The following ANO3 variants were observed in gnomAD, a reference collection of about 807,000 sequenced individuals.
ANO3 encodes anoctamin 3.
ANO3 carries 99 observed loss-of-function variants against 144.8 expected under a neutral mutation model. The ratio of observed to expected loss-of-function variants is 0.68; its 90% CI spans 0.58 to 0.81. The LOEUF (loss-of-function observed/expected upper bound fraction) is 0.81, where lower values mean the gene tolerates loss of function less well. Among genes scored for constraint, ANO3 ranks in the 30% least tolerant of loss-of-function variants. The pLI is 0.00. For missense variants in ANO3, 905 were observed against 1,202.2 expected (o/e 0.75, Z 3.66); for synonymous variants, 414 against 392.6 (o/e 1.05, Z -0.64).
intron 4 of ANO3, among the ~76,000 whole-genome samples, chr11:26,467,172 C>T (rs1859629098): frequency 6.6e-6 from 1 of 151,758 alleles, no homozygotes; most frequent in African/African-American, 2.4e-5. Flanking sequence ...TTTCTGGGTA[C>T]AGAGTAAATG....
intron 1 of ANO3, among the ~76,000 whole-genome samples, chr11:26,421,682 T>G (rs1357829879): frequency 6.6e-6 from 1 of 152,052 alleles, no homozygotes; most frequent in Non-Finnish European, 1.5e-5. Flanking sequence ...TGCAGCCCTA[T>G]TCACAATTGC....
At chr11:26,382,595 T>A (rs987123247) in intron 1 of ANO3, among the ~76,000 whole-genome samples, 1 of 152,144 alleles carries the variant, frequency 6.6e-6, no homozygotes, top group Non-Finnish European at 1.5e-5. Context: ...TGTCCCCAAA[T>A]GTTCCTCTAC....
At chr11:26,448,033 C>T (rs1358640967) in intron 3 of ANO3, among the ~76,000 whole-genome samples, 1 of 152,190 alleles carries the variant, frequency 6.6e-6, no homozygotes, top group Admixed American at 6.5e-5. Flanking sequence ...GGTGCAGTGG[C>T]TCATGCCTGT....
chr11:26,517,571 T>C (rs1335102077), intron 6 of ANO3, among the ~76,000 whole-genome samples: 2 of 152,136 alleles, frequency 1.3e-5, no homozygotes, highest in East Asian at 1.9e-4. Flanking sequence ...TGCAAAGTAT[T>C]TACTCATATT....
intron 1 of ANO3, among the ~76,000 whole-genome samples, chr11:26,226,357 T>C (rs909104005): frequency 3.9e-5 from 6 of 152,062 alleles, no homozygotes; most frequent in African/African-American, 1.4e-4. Flanking sequence ...ATTTAAAAAA[T>C]TTTCCCTAGT....
At chr11:26,654,531 T>C (rs1853625657) in intron 24 of ANO3, among the ~76,000 whole-genome samples, 1 of 152,188 alleles carries the variant, frequency 6.6e-6, no homozygotes, top group African/African-American at 2.4e-5. Context: ...TTCCTATGTA[T>C]ATAACTATAC....
intron 9 of ANO3, among the ~76,000 whole-genome samples, chr11:26,535,571 CTTTTTT>C (rs72278856): frequency 3.4e-5 from 2 of 58,610 alleles, no homozygotes; most frequent in Non-Finnish European, 5.6e-5. Context: ...AAGACAGCCA[CTTTTTT>C]TTTTTTTTTT....
chr11:26,273,813 GGAA>G (rs1483384952), intron 1 of ANO3, among the ~76,000 whole-genome samples: 2 of 152,106 alleles, frequency 1.3e-5, no homozygotes, highest in African/African-American at 2.4e-5. Flanking sequence ...CAGATCATGA[GGAA>G]GAAGACATGG....
chr11:26,448,299 CAA>C (rs11401959), intron 3 of ANO3, among the ~76,000 whole-genome samples: 4 of 132,466 alleles, frequency 3.0e-5, no homozygotes, highest in Admixed American at 7.8e-5. Flanking sequence ...AACTCCGTCT[CAA>C]AAAAAAAAAA....
At chr11:26,652,997 C>A (rs927073798) in intron 24 of ANO3, among the ~76,000 whole-genome samples, 1 of 152,214 alleles carries the variant, frequency 6.6e-6, no homozygotes, top group Non-Finnish European at 1.5e-5. Context: ...GCCACACCTG[C>A]CAAGTCATGT....
chr11:26,358,949 C>T (rs1024128804), intron 1 of ANO3, among the ~76,000 whole-genome samples: 1 of 152,046 alleles, frequency 6.6e-6, no homozygotes. Context: ...AAATGTCTTC[C>T]ATGTTTCTTC....
chr11:26,457,236 AAT>A (rs1859200265), intron 3 of ANO3, among the ~76,000 whole-genome samples: 1 of 18,378 alleles, frequency 5.4e-5, no homozygotes, highest in Admixed American at 1.0e-3. Flanking sequence ...TAAAAAAAGA[AAT>A]AAAAAAAAAA....
rs755301055 is a variant in ANO3, at chr11:26,541,978, C to T, written c.1064C>T (p.Thr355Ile). 8 of 1,612,572 alleles carry T rather than the reference C, an allele frequency of 5.0e-6. No homozygotes were observed. The South Asian group carries it at 6.6e-5, about 13-fold the overall frequency. Residue 355 changes from threonine (T) to isoleucine (I), a missense_variant, in exon 11 of 27, where the codon ACC becomes ATC. By Grantham distance (89) the Thr-to-Ile change is moderately conservative (BLOSUM62 -1). This residue lies in a region of ANO3 where 597 missense variants were observed against 865.1 expected (regional missense o/e 0.69). Transcript: ENST00000256737. ...TACAAAAGTAGCCAGCCCATTAAAA[C>T]CCATGGACCTCAGAATAACAGACAT... ...GAYKSSQPIK[T>I]HGPQNNRHLL...
chr11:26,641,568 A>G lies in ANO3; in HGVS notation c.2142-328A>G, dbSNP rs150077763. Among the ~76,000 whole-genome samples, 515 of 152,232 alleles carry G rather than the reference A, an allele frequency of 3.4e-3. 3 individuals are homozygous for G. Among genetic ancestry groups the G allele is most frequent in the South Asian group, 0.021 (102 of 4,816 alleles). On this transcript the variant is annotated intron_variant, in intron 21 of 26. Coordinates refer to ENST00000256737, the MANE Select transcript of ANO3 (RefSeq NM_031418.4). ...GAATCATAGAAATGAATATTTGTTTAATCAATGTCAAGGACCATTTTAGTG... is the reference window on the plus strand; with the variant it reads ...GAATCATAGAAATGAATATTTGTTTGATCAATGTCAAGGACCATTTTAGTG...
In ANO3 at chr11:26,547,535, A is replaced by G. The variant is rs769642472; in HGVS notation, c.1274A>G (p.Asn425Ser). ...TTCTTCTATGGATTATTTACAATGA[A>G]TAATAGTCAAGTAAGGTAGGCTATT... ...CVFFYGLFTM[N>S]NSQVSQEICK... Residue 425 changes from asparagine to serine, a missense_variant, in exon 12 of 27, where the codon AAT becomes AGT. Transcript: ENST00000256737. 2 of 1,611,848 alleles carry G rather than the reference A, an allele frequency of 1.2e-6. No individual in the cohort carries two copies. The highest frequency in any genetic ancestry group is 4.5e-5 in the East Asian group (2 of 44,784).
At chr11:26,219,168 T>A (rs1224613444) in intron 1 of ANO3, among the ~76,000 whole-genome samples, 1 of 152,198 alleles carries the variant, frequency 6.6e-6, no homozygotes, top group African/African-American at 2.4e-5. Flanking sequence ...AATATGTCTC[T>A]AGGTATTGCC....
intron 2 of ANO3, among the ~76,000 whole-genome samples, chr11:26,443,111 A>C (rs1858580648): frequency 6.6e-6 from 1 of 152,170 alleles, no homozygotes; most frequent in Non-Finnish European, 1.5e-5. Flanking sequence ...ATAAGAATGC[A>C]GTCCCTTATG....
intron 1 of ANO3, among the ~76,000 whole-genome samples, chr11:26,232,295 G>A (rs11029405): frequency 0.011 from 1,655 of 152,266 alleles, 28 homozygotes; most frequent in African/African-American, 0.038. Flanking sequence ...GGAACAGCAA[G>A]ACGTGCTCAG....
At chr11:26,534,389 A>T in intron 8 of ANO3, 67 bp from the exon 9 acceptor site, 6 of 1,044,652 alleles carry the variant, frequency 5.7e-6, no homozygotes, top group Non-Finnish European at 8.7e-6. Context: ...GCTTTAATGG[A>T]ACTTGTAACT....
Sources: allele counts gnomAD v4.1 joint callset (sites outside exome capture counted in the v4.1 genomes callset), GRCh38; gene constraint gnomAD v4.1.1; regional missense constraint gnomAD v4.1.1; transcripts MANE v1.5; gene names NCBI Gene and HGNC (gene_info 2026-07-23, HGNC 2026-07-21).